The following CREB5 variants were observed in gnomAD, a reference collection of about 807,000 sequenced individuals.
The protein encoded by CREB5 is cyclic AMP-responsive element-binding protein 5.
In CREB5, 19 loss-of-function variants were observed where a neutral mutation model predicts 57.1. The observed-to-expected ratio is 0.33, with a 90% CI of 0.23 to 0.49. The LOEUF (loss-of-function observed/expected upper bound fraction) is 0.49, where lower values mean the gene tolerates loss of function less well. Among genes scored for constraint, CREB5 ranks in the 20% least tolerant of loss-of-function variants. The pLI is 0.99. For synonymous variants in CREB5, 238 were observed against 238.3 expected (o/e 1.00, Z 0.01); for missense variants, 579 against 671.6 (o/e 0.86, Z 1.52).
At chr7:28,808,983 A>G (rs1212433516) in intron 8 of CREB5, among the ~76,000 whole-genome samples, 1 of 152,144 alleles carries the variant, frequency 6.6e-6, no homozygotes, top group Non-Finnish European at 1.5e-5. Context: ...CCAACACATC[A>G]TAGAATATAG....
At chr7:28,543,485 A>T (rs1385112551) in intron 4 of CREB5, among the ~76,000 whole-genome samples, 1 of 151,556 alleles carries the variant, frequency 6.6e-6, no homozygotes, top group Non-Finnish European at 1.5e-5. Context: ...TATCCTAGGC[A>T]TCTGTCCATA....
intron 1 of CREB5, among the ~76,000 whole-genome samples, chr7:28,415,110 G>C (rs1380681043): frequency 1.3e-5 from 2 of 152,028 alleles, no homozygotes; most frequent in African/African-American, 2.4e-5. Context: ...ACCCTAAAAA[G>C]ATTTTAGGAT....
intron 1 of CREB5, among the ~76,000 whole-genome samples, chr7:28,372,920 C>T (rs146861913): frequency 2.6e-5 from 4 of 152,222 alleles, no homozygotes; most frequent in African/African-American, 4.8e-5. Context: ...AGAATGTGTA[C>T]GGCTTTGTCA....
chr7:28,554,738 T>C (rs781541168), intron 4 of CREB5, among the ~76,000 whole-genome samples: 1 of 152,210 alleles, frequency 6.6e-6, no homozygotes, highest in Non-Finnish European at 1.5e-5. Context: ...CACAGCCTCT[T>C]ATTGGAGGCC....
In CREB5 at chr7:28,483,819, C is replaced by A. The variant is rs77448763; in HGVS notation, c.4-4356C>A. On this transcript the variant is annotated intron_variant, in intron 1 of 10. Transcript: ENST00000357727. ...TCACTCATTGTTTCTACTGAAAGCACCTTTGACTTTTTTCCATGAAATCTG... is the reference window on the plus strand; with the variant it reads ...TCACTCATTGTTTCTACTGAAAGCAACTTTGACTTTTTTCCATGAAATCTG... Among the ~76,000 whole-genome samples the A allele has an allele frequency of 7.9e-3, 1,206 of 152,262 alleles. 20 individuals carry two copies. Among genetic ancestry groups the A allele is most frequent in the African/African-American group, 0.027 (1,122 of 41,542 alleles).
At position 28,776,128 on chromosome 7, in the gene CREB5, G is replaced by C. The variant is rs374393463; in HGVS notation, c.703-28071G>C. 3.4e-4 allele frequency among the ~76,000 whole-genome samples: 52 copies of C among 152,124 alleles called. 1 individual carries two copies. In the East Asian group the frequency reaches 7.0e-3, roughly 20 times the overall value. On this transcript the variant is annotated intron_variant, in intron 7 of 10. Coordinates refer to ENST00000357727, the MANE Select transcript of CREB5 (RefSeq NM_182898.4). ...CGAGGCGGGCGGATCATGAGGTCAG[G>C]AGATCGAGACCATCCTGACTAACAT...
intron 1 of CREB5, among the ~76,000 whole-genome samples, chr7:28,305,767 A>G (rs1436587117): frequency 7.4e-5 from 10 of 134,684 alleles, no homozygotes; most frequent in Admixed American, 2.2e-4. Context: ...TGATGATTTC[A>G]TTCATTCAAT....
intron 1 of CREB5, among the ~76,000 whole-genome samples, chr7:28,361,713 A>C (rs1300818131): frequency 6.6e-6 from 1 of 152,170 alleles, no homozygotes; most frequent in Admixed American, 6.6e-5. Context: ...CTCCCACAGC[A>C]TTCAATACAT....
intron 1 of CREB5, among the ~76,000 whole-genome samples, chr7:28,447,338 T>A (rs1264110696): frequency 1.3e-5 from 2 of 152,244 alleles, no homozygotes; most frequent in African/African-American, 2.4e-5. Context: ...CTGGGACTGA[T>A]CCCAAGAAAT....
chr7:28,495,044 TC>T, intron 3 of CREB5, 45 bp downstream of exon 3: 1 of 1,352,026 alleles, frequency 7.4e-7, no homozygotes, highest in Non-Finnish European at 1.0e-6. Context: ...TCAGATCTGT[TC>T]CATGCGAGAT....
intron 1 of CREB5, among the ~76,000 whole-genome samples, chr7:28,398,546 C>T (rs1388354682): frequency 6.6e-6 from 1 of 152,192 alleles, no homozygotes; most frequent in African/African-American, 2.4e-5. Flanking sequence ...TCCTATACTG[C>T]TATTTCCATA....
chr7:28,691,420 C>A (rs13237850), intron 5 of CREB5, among the ~76,000 whole-genome samples: 30,418 of 91,500 alleles, frequency 0.33, 3,364 homozygotes, highest in South Asian at 0.38. Flanking sequence ...ACTCTGTCTC[C>A]AAAAAAAAAA....
chr7:28,409,834 G>A (rs941228210), upstream of CREB5: 24 of 452,766 alleles, frequency 5.3e-5, no homozygotes, highest in Admixed American at 2.6e-4. This position sits in a 1 kb window ranked among gnomAD's most constrained non-coding sequence, Gnocchi z 4.4. Flanking sequence ...GCGTGTGTGG[G>A]AGCGCGCGAG....
chr7:28,621,941 A>G (rs1222616447), intron 5 of CREB5, among the ~76,000 whole-genome samples: 2 of 152,192 alleles, frequency 1.3e-5, no homozygotes, highest in Admixed American at 6.5e-5. Context: ...CCAAACGCCA[A>G]GGTGAAATTT....
chr7:28,805,128 T>C (rs1467511747), intron 8 of CREB5, among the ~76,000 whole-genome samples: 2 of 151,886 alleles, frequency 1.3e-5, no homozygotes, highest in South Asian at 2.1e-4. Context: ...GAGAAATGCG[T>C]TGGAGGGAAC....
chr7:28,668,642 T>A (rs766274345), intron 5 of CREB5, among the ~76,000 whole-genome samples: 9 of 152,184 alleles, frequency 5.9e-5, no homozygotes, highest in Non-Finnish European at 1.0e-4. Context: ...AAGGGTTAGG[T>A]TTTCTTCTAA....
intron 1 of CREB5, among the ~76,000 whole-genome samples, chr7:28,477,506 C>A (rs1412625577): frequency 6.6e-6 from 1 of 152,218 alleles, no homozygotes; most frequent in Non-Finnish European, 1.5e-5. Flanking sequence ...TCCTCTTTCC[C>A]TTTTCATACT....
chr7:28,520,584 A>C lies in CREB5; in HGVS notation c.291+12847A>C, dbSNP rs972453008. Reference sequence around the variant, plus strand: ...ACTGTAAAATCAGGCATATCCTTTTAATTACCTGTTCATATTTCAGCAATG... The same window carrying C: ...ACTGTAAAATCAGGCATATCCTTTTCATTACCTGTTCATATTTCAGCAATG... On this transcript the variant is annotated intron_variant, in intron 4 of 10. Coordinates refer to ENST00000357727, the MANE Select transcript of CREB5 (RefSeq NM_182898.4). Among the ~76,000 whole-genome samples the C allele has an allele frequency of 2.0e-5, 3 of 152,176 alleles. 1 individual carries two copies. Among genetic ancestry groups the C allele is most frequent in the East Asian group, 3.8e-4 (2 of 5,198 alleles).
chr7:28,535,621 AAG>A (rs1793931666), intron 4 of CREB5, among the ~76,000 whole-genome samples: 2 of 151,998 alleles, frequency 1.3e-5, no homozygotes, highest in African/African-American at 4.8e-5. Flanking sequence ...ATAGGAGAGA[AAG>A]AGGGAGGAAG....
Sources: gnomAD v4.1 joint callset for allele counts (sites outside exome capture counted in the v4.1 genomes callset) on GRCh38, gnomAD v4.1.1 for gene constraint, Gnocchi (gnomAD v3.1) non-coding constraint, MANE v1.5 for transcripts, NCBI Gene and HGNC (gene_info 2026-07-23, HGNC 2026-07-21) for gene names.